The following TGFBR3 variants were observed in gnomAD, a reference collection of about 807,000 sequenced individuals.
The protein encoded by TGFBR3 is transforming growth factor beta receptor type 3.
In TGFBR3, 46 loss-of-function variants were observed where a neutral mutation model predicts 87.9. The observed-to-expected ratio is 0.52, with a 90% CI of 0.41 to 0.67. TGFBR3 has a LOEUF of 0.67. Ranked by LOEUF, TGFBR3 falls within the 30% of genes least tolerant of loss-of-function variation. The pLI, the probability that TGFBR3 is intolerant of heterozygous loss-of-function variation, is 0.00. For synonymous variants in TGFBR3, 381 were observed against 391.6 expected (o/e 0.97, Z 0.32); for missense variants, 866 against 1,041.9 (o/e 0.83, Z 2.32).
intron 16 of TGFBR3, among the ~76,000 whole-genome samples, chr1:91,688,034 T>G (rs1399745710): frequency 6.6e-6 from 1 of 152,176 alleles, no homozygotes; most frequent in East Asian, 1.9e-4. Flanking sequence ...TTTAGAGAAG[T>G]CTTCAATCAC....
intron 2 of TGFBR3, among the ~76,000 whole-genome samples, chr1:91,847,250 A>C (rs760042897): frequency 2.0e-5 from 3 of 152,118 alleles, no homozygotes; most frequent in Non-Finnish European, 2.9e-5. Context: ...AACTTACAGA[A>C]ATTTTTCCCT....
At chr1:91,885,656 G>A (rs770930612) in intron 1 of TGFBR3, among the ~76,000 whole-genome samples, 9 of 152,208 alleles carry the variant, frequency 5.9e-5, no homozygotes, top group Admixed American at 1.3e-4. Context: ...TGCCCCGTGC[G>A]GCCGCTGCCC....
intron 2 of TGFBR3, among the ~76,000 whole-genome samples, chr1:91,802,505 C>A (rs376101564): frequency 2.0e-5 from 3 of 151,872 alleles, no homozygotes; most frequent in Non-Finnish European, 4.4e-5. Context: ...GGATTACAGG[C>A]GCCCGCCATC....
rs375157115 is a variant in TGFBR3, at chr1:91,709,785, A to T, written c.2167-1002T>A. Among the ~76,000 whole-genome samples, 19 of 152,288 alleles carry T rather than the reference A, an allele frequency of 1.2e-4. No individual in the cohort carries two copies. The East Asian group carries it at 2.7e-3, about 22-fold the overall frequency. On this transcript the variant is annotated intron_variant, in intron 13 of 16. Coordinates refer to ENST00000212355, the MANE Select transcript of TGFBR3 (RefSeq NM_003243.5). The stretch of plus-strand genomic sequence containing the variant: ...AGTTCTTTTTTATTTTTCTTGAGAC[A>T]GGGTCTTGCTGTGTTACCCAGGCTG...
chr1:91,841,534 C>A (rs565120484), intron 2 of TGFBR3, among the ~76,000 whole-genome samples: 1 of 151,862 alleles, frequency 6.6e-6, no homozygotes, highest in East Asian at 1.9e-4. Flanking sequence ...GTGGCTTACA[C>A]CTGTAATCCC....
At chr1:91,701,629 T>C (rs953020693) in intron 14 of TGFBR3, among the ~76,000 whole-genome samples, 3 of 152,204 alleles carry the variant, frequency 2.0e-5, no homozygotes, top group African/African-American at 7.2e-5. Context: ...TTGTTCAGCA[T>C]GGTTTTCATA....
chr1:91,852,598 C>T (rs1054424225), intron 2 of TGFBR3, among the ~76,000 whole-genome samples: 16 of 152,130 alleles, frequency 1.1e-4, no homozygotes, highest in Non-Finnish European at 2.1e-4. Flanking sequence ...CCTAGTTTCG[C>T]TCTTGTTGCC....
Position 91,683,737 on chromosome 1 carries a change from G to GGCTAGGCCGT in TGFBR3, c.2548_*1dup. On this transcript the variant is annotated 3_prime_UTR_variant, in exon 17 of 17. Coordinates refer to ENST00000212355, the MANE Select transcript of TGFBR3 (RefSeq NM_003243.5). ...GGTTGGGCCGGGTTGGGCTGGGTTG[G>GGCTAGGCCGT]GCTAGGCCGTGCTGCTGCTGGAGCA... 1 of 1,557,754 alleles carries GGCTAGGCCGT rather than the reference G, an allele frequency of 6.4e-7. No homozygotes were observed. The highest frequency in any genetic ancestry group is 2.3e-5 in the East Asian group (1 of 42,568).
At chr1:91,702,594 G>A (rs934128108) in intron 14 of TGFBR3, among the ~76,000 whole-genome samples, 1 of 152,216 alleles carries the variant, frequency 6.6e-6, no homozygotes, top group African/African-American at 2.4e-5. Context: ...ACTGGAATAT[G>A]TATGGATGAA....
At chr1:91,705,454 C>T (rs886635093) in intron 14 of TGFBR3, among the ~76,000 whole-genome samples, 3 of 151,826 alleles carry the variant, frequency 2.0e-5, no homozygotes, top group African/African-American at 7.3e-5. Context: ...TGGTCTTGAA[C>T]TCCTGACCTT....
chr1:91,845,783 C>T lies in TGFBR3; in HGVS notation c.61+15688G>A, dbSNP rs137994581. Among the ~76,000 whole-genome samples, 1,361 of 152,100 alleles carry T rather than the reference C, an allele frequency of 8.9e-3. 23 individuals are homozygous for T. The highest frequency in any genetic ancestry group is 0.03 in the African/African-American group (1,257 of 41,504). On this transcript the variant is annotated intron_variant, in intron 2 of 16. Transcript: ENST00000212355. The stretch of plus-strand genomic sequence containing the variant: ...AAAATTCACTTTTTGCTGACCTGGG[C>T]CACCTAAACAGAGGACATGAGGAAC...
At chr1:91,884,556 G>A (rs1286661178) in intron 1 of TGFBR3, among the ~76,000 whole-genome samples, 1 of 152,122 alleles carries the variant, frequency 6.6e-6, no homozygotes, top group East Asian at 1.9e-4. Flanking sequence ...CACACAAATC[G>A]GCCTGCACTT....
chr1:91,770,468 C>CAAAT (rs1674339528), intron 3 of TGFBR3, among the ~76,000 whole-genome samples: 1 of 152,078 alleles, frequency 6.6e-6, no homozygotes, highest in South Asian at 2.1e-4. Flanking sequence ...ATAGAAGCAG[C>CAAAT]AAATATAGAG....
At chr1:91,762,061 A>G (rs1673984747) in intron 3 of TGFBR3, among the ~76,000 whole-genome samples, 1 of 152,196 alleles carries the variant, frequency 6.6e-6, no homozygotes, top group Non-Finnish European at 1.5e-5. Flanking sequence ...AGCTTTGTCT[A>G]TGGGCTGATA....
intron 2 of TGFBR3, among the ~76,000 whole-genome samples, chr1:91,845,024 T>C (rs1677419369): frequency 6.6e-6 from 1 of 152,200 alleles, no homozygotes; most frequent in African/African-American, 2.4e-5. Context: ...AGAGTAAACG[T>C]AGGGGATGCT....
chr1:91,735,154 C>T (rs1314394818), intron 4 of TGFBR3, among the ~76,000 whole-genome samples, 195 bp from the exon 5 acceptor site: 4 of 152,220 alleles, frequency 2.6e-5, no homozygotes, highest in African/African-American at 7.2e-5. Context: ...GGCAAAACTA[C>T]CAATGCAGGA....
intron 4 of TGFBR3, among the ~76,000 whole-genome samples, chr1:91,752,197 T>C (rs1673567118): frequency 6.6e-6 from 1 of 152,196 alleles, no homozygotes; most frequent in Admixed American, 6.5e-5. Flanking sequence ...AAAGTTGAAT[T>C]TCAGGTAAAC....
At chr1:91,745,151 T>C (rs1673297002) in intron 4 of TGFBR3, among the ~76,000 whole-genome samples, 1 of 152,172 alleles carries the variant, frequency 6.6e-6, no homozygotes, top group Non-Finnish European at 1.5e-5. Context: ...ACTGCACACA[T>C]GTCCGTGACT....
At chr1:91,798,032 A>T (rs1039886951) in intron 2 of TGFBR3, among the ~76,000 whole-genome samples, 1 of 152,164 alleles carries the variant, frequency 6.6e-6, no homozygotes, top group Non-Finnish European at 1.5e-5. Flanking sequence ...AAGAAGTAGG[A>T]TCTGAGCAGA....
Sources: gnomAD v4.1 joint callset for allele counts (sites outside exome capture counted in the v4.1 genomes callset) on GRCh38, gnomAD v4.1.1 for gene constraint, MANE v1.5 for transcripts, NCBI Gene and HGNC (gene_info 2026-07-23, HGNC 2026-07-21) for gene names.